MAP7D2: variants seen among roughly 807,000 people sequenced by gnomAD.
MAP7D2 encodes MAP7 domain-containing protein 2.
Under a neutral mutation model 63.5 loss-of-function variants are expected in MAP7D2, and 33 were observed. The observed-to-expected ratio is 0.52, with a 90% CI of 0.39 to 0.70. The LOEUF (loss-of-function observed/expected upper bound fraction) is 0.70, where lower values mean the gene tolerates loss of function less well. MAP7D2 is among the 30% of genes least tolerant of loss of function. The pLI is 0.00. For synonymous variants in MAP7D2, 224 were observed against 223.7 expected (o/e 1.00, Z -0.01); for missense variants, 626 against 604.0 (o/e 1.04, Z -0.38).
At chrX:20,080,986 G>A (rs1422728124) in intron 1 of MAP7D2, among the ~76,000 whole-genome samples, 1 of 111,659 alleles carries the variant, frequency 9.0e-6, no homozygotes, top group East Asian at 2.8e-4. Context: ...GAAAATACAA[G>A]CTCCCAACTC....
chrX:20,010,837 G>T lies in MAP7D2; in HGVS notation c.2288C>A (p.Pro763His), dbSNP rs2073172287. Reference sequence around the variant, plus strand: ...GGTGTTGAGAGGAGTTTCTTGGCCAGGACTGTTAAATCCTTCGATAAGGTT... The same window carrying T: ...GGTGTTGAGAGGAGTTTCTTGGCCATGACTGTTAAATCCTTCGATAAGGTT... ...NKNLIEGFNS[P>H]GQETPLNTFC The change falls in exon 16 of 17, where the codon CCT becomes CAT. Residue 763 changes from proline (P) to histidine (H), a missense_variant. By Grantham distance (77) the Pro-to-His change is moderately conservative. Transcript: ENST00000379643. 1 of 1,208,173 alleles carries T rather than the reference G, an allele frequency of 8.3e-7. No homozygotes were observed. Among genetic ancestry groups the T allele is most frequent in the African/African-American group, 1.8e-5 (1 of 57,139 alleles).
At chrX:20,076,499 A>G (rs1475025848) in intron 1 of MAP7D2, among the ~76,000 whole-genome samples, 1 of 111,080 alleles carries the variant, frequency 9.0e-6, no homozygotes, top group Non-Finnish European at 1.9e-5. Context: ...TGAGGTCAGG[A>G]GTTCGAGACC....
chrX:20,031,882 C>T (rs1190062542), intron 8 of MAP7D2, among the ~76,000 whole-genome samples: 1 of 111,566 alleles, frequency 9.0e-6, no homozygotes, highest in Non-Finnish European at 1.9e-5. Flanking sequence ...ATAATGTCTT[C>T]GTTCTTAGGG....
chrX:20,072,372 C>G (rs931933286), intron 1 of MAP7D2, among the ~76,000 whole-genome samples: 1 of 111,045 alleles, frequency 9.0e-6, no homozygotes, highest in Non-Finnish European at 1.9e-5. Flanking sequence ...CCCTCAGGCA[C>G]AGGAAACTCT....
At position 20,107,086 on chromosome X, in the gene MAP7D2, G is replaced by A. The variant is rs188684651; in HGVS notation, c.130+9664C>T. On this transcript the variant is annotated intron_variant, in intron 1 of 16. Transcript: ENST00000379643. ...CTCGGGGTAGCCCACAGCAGAGGGC[G>A]GTGGGGAAAATGATGAAATCTAATG... Among the ~76,000 whole-genome samples the A allele has an allele frequency of 3.0e-4, 33 of 111,486 alleles. 1 individual carries two copies. The highest frequency in any genetic ancestry group is 1.7e-3 in the Admixed American group (18 of 10,472).
intron 11 of MAP7D2, 120 bp downstream of exon 11, chrX:20,015,974 C>G (rs2073371157): frequency 3.1e-6 from 2 of 654,480 alleles, no homozygotes. Context: ...AATAACCAGC[C>G]CAGACAGTTT....
At chrX:20,093,646 G>A (rs1462337262) in intron 1 of MAP7D2, among the ~76,000 whole-genome samples, 1 of 110,297 alleles carries the variant, frequency 9.1e-6, no homozygotes, top group African/African-American at 3.3e-5. Context: ...GACAGAGTGA[G>A]ACTCCATCTC....
chrX:20,050,922 A>G lies in MAP7D2; in HGVS notation c.620T>C (p.Met207Thr). The G allele has an allele frequency of 8.6e-7, 1 of 1,168,589 alleles. No homozygotes were observed. Among genetic ancestry groups the G allele is most frequent in the Non-Finnish European group, 1.1e-6 (1 of 873,891 alleles). Residue 207 changes from methionine to threonine, a missense_variant, in exon 6 of 17, where the codon ATG becomes ACG. By Grantham distance (81) the Met-to-Thr change is moderately conservative (BLOSUM62 -1). Coordinates refer to ENST00000379643, the MANE Select transcript of MAP7D2 (RefSeq NM_001168465.2). The part of the protein sequence containing the change: ...DRAHHMHLSP[M>T]EAILVSRLLT... ...CAGTCGCGAAACAAGAATGGCTTCC[A>G]TTGGACTAAGGTGCATGTGATGAGC...
intron 1 of MAP7D2, among the ~76,000 whole-genome samples, chrX:20,066,793 A>T (rs1665647690): frequency 9.0e-6 from 1 of 110,987 alleles, no homozygotes; most frequent in African/African-American, 3.3e-5. Context: ...GTGCTCCCAC[A>T]TGGTTTGAGG....
intron 10 of MAP7D2, among the ~76,000 whole-genome samples, chrX:20,024,259 C>A (rs1255028776): frequency 8.9e-6 from 1 of 112,208 alleles, no homozygotes; most frequent in Admixed American, 9.4e-5. Context: ...ACAAAGTACC[C>A]TGGTACTAAC....
At chrX:20,021,930 CCTTTCTTGTACATTTA>C (rs1230884958) in intron 10 of MAP7D2, among the ~76,000 whole-genome samples, 1 of 112,035 alleles carries the variant, frequency 8.9e-6, no homozygotes, top group Non-Finnish European at 1.9e-5. Flanking sequence ...TCCTTCTGTT[CCTTTCTTGTACATTTA>C]CTGAGCGCCA....
chrX:20,008,982 T>C (rs1603345440), intron 16 of MAP7D2, among the ~76,000 whole-genome samples: 1 of 111,981 alleles, frequency 8.9e-6, no homozygotes, highest in Non-Finnish European at 1.9e-5. Context: ...AGTCAAAGTA[T>C]GTTAAAAACA....
In MAP7D2 at chrX:20,044,401, A is replaced by G; in HGVS notation, c.842T>C (p.Val281Ala). The G allele has an allele frequency of 8.3e-7, 1 of 1,211,605 alleles. No homozygotes were observed. Among genetic ancestry groups the G allele is most frequent in the Non-Finnish European group, 1.1e-6 (1 of 895,435 alleles). The change falls in exon 7 of 17, where the codon GTT (valine) becomes GCT (alanine). Residue 281 changes from valine to alanine, a missense_variant. By Grantham distance (64) the Val-to-Ala change is moderately conservative. Transcript: ENST00000379643. ...TSTSTSGAGD[V>A]GKEALSGGEA... ...TCCTCCTGAAAGGGCTTCTTTCCCAACATCTCCTGCACCAGATGTAGACGT... is the reference window on the plus strand; with the variant it reads ...TCCTCCTGAAAGGGCTTCTTTCCCAGCATCTCCTGCACCAGATGTAGACGT...
At chrX:20,057,738 G>A (rs1052718759) in intron 3 of MAP7D2, among the ~76,000 whole-genome samples, 1 of 111,530 alleles carries the variant, frequency 9.0e-6, no homozygotes, top group Non-Finnish European at 1.9e-5. Flanking sequence ...TCCAGGAACT[G>A]GGCTAATCAT....
chrX:20,109,328 C>T (rs754101184), intron 1 of MAP7D2, among the ~76,000 whole-genome samples: 1 of 108,325 alleles, frequency 9.2e-6, no homozygotes, highest in East Asian at 2.9e-4. Flanking sequence ...GAGACCAGCC[C>T]GGACAACATG....
At chrX:20,090,044 C>T (rs936776583) in intron 1 of MAP7D2, among the ~76,000 whole-genome samples, 9 of 111,891 alleles carry the variant, frequency 8.0e-5, no homozygotes, top group Non-Finnish European at 1.7e-4. Flanking sequence ...ATTTACAATG[C>T]TGGCTTTTAG....
chrX:20,080,386 C>T (rs991807697), intron 1 of MAP7D2, among the ~76,000 whole-genome samples: 4 of 109,892 alleles, frequency 3.6e-5, no homozygotes, highest in African/African-American at 1.3e-4. Flanking sequence ...TTCTACCCAC[C>T]CTATACAAGG....
intron 1 of MAP7D2, among the ~76,000 whole-genome samples, chrX:20,076,745 A>C (rs2065654228): frequency 9.0e-6 from 1 of 111,714 alleles, no homozygotes; most frequent in Non-Finnish European, 1.9e-5. Flanking sequence ...AAGTCCTTGA[A>C]AAGAAAGAAG....
At chrX:20,030,957 T>G (rs910459671) in intron 8 of MAP7D2, among the ~76,000 whole-genome samples, 1 of 111,882 alleles carries the variant, frequency 8.9e-6, no homozygotes, top group Non-Finnish European at 1.9e-5. Flanking sequence ...CTATCCAAAC[T>G]GAAGGCAGTC....
Sources: gnomAD v4.1 joint callset for allele counts (sites outside exome capture counted in the v4.1 genomes callset) on GRCh38, gnomAD v4.1.1 for gene constraint, MANE v1.5 for transcripts, NCBI Gene and HGNC (gene_info 2026-07-23, HGNC 2026-07-21) for gene names.